Variants in DPP6 observed in about 807,000 individuals in gnomAD.
DPP6 encodes A-type potassium channel modulatory protein DPP6.
A neutral mutation model predicts 122.6 loss-of-function variants in DPP6; 69 were observed. The ratio of observed to expected loss-of-function variants is 0.56; its 90% CI spans 0.46 to 0.69. The LOEUF (loss-of-function observed/expected upper bound fraction) is 0.69. Ranked by LOEUF, DPP6 falls within the 30% of genes least tolerant of loss-of-function variation. DPP6 has a pLI of 0.00. For missense variants in DPP6, 928 were observed against 1,116.9 expected, an observed-to-expected ratio of 0.83 and a Z score of 2.41; for synonymous variants, 418 against 433.1, an observed-to-expected ratio of 0.97 and a Z score of 0.43.
intron 1 of DPP6, among the ~76,000 whole-genome samples, chr7:153,955,203 A>G (rs1190226857): frequency 1.3e-5 from 2 of 152,144 alleles, no homozygotes; most frequent in Admixed American, 6.5e-5. Flanking sequence ...GTAAACCTAG[A>G]GGGAAAGTCC....
At chr7:154,368,565 C>T (rs548257326) in intron 1 of DPP6, among the ~76,000 whole-genome samples, 3 of 152,312 alleles carry the variant, frequency 2.0e-5, no homozygotes, top group South Asian at 2.1e-4. Flanking sequence ...TCTAGCATAT[C>T]GTCTTTGGAA....
intron 1 of DPP6, among the ~76,000 whole-genome samples, chr7:154,277,268 T>A (rs759828569): frequency 2.0e-5 from 3 of 152,138 alleles, no homozygotes; most frequent in Non-Finnish European, 4.4e-5. Context: ...AAATATTGCA[T>A]CCATGAATAA....
upstream of DPP6, among the ~76,000 whole-genome samples, chr7:154,048,712 C>CCT (rs1800143717): frequency 1.2e-5 from 1 of 80,528 alleles, no homozygotes; most frequent in African/African-American, 4.8e-5. Context: ...ATGGTTCTGT[C>CCT]CTCCCTCAGC....
chr7:153,857,322 T>TTCGCTCTCTCTCTC, the DPP6 span, among the ~76,000 whole-genome samples: 1 of 124,390 alleles, frequency 8.0e-6, no homozygotes, highest in Non-Finnish European at 1.7e-5. Context: ...CTCAAAGGTT[T>TTCGCTCTCTCTCTC]TCTCTCTCTC....
chr7:154,231,383 T>C (rs1800908203), intron 1 of DPP6, among the ~76,000 whole-genome samples: 1 of 152,118 alleles, frequency 6.6e-6, no homozygotes, highest in Non-Finnish European at 1.5e-5. Context: ...TCAGTCCAAG[T>C]TTTGTGTGAG....
intron 11 of DPP6, among the ~76,000 whole-genome samples, chr7:154,794,780 C>T (rs1171962997): frequency 6.6e-6 from 1 of 152,244 alleles, no homozygotes; most frequent in East Asian, 1.9e-4. Flanking sequence ...AGCAGGCAGG[C>T]GGCCCACGGC....
chr7:154,862,971 C>G (rs74503585), intron 17 of DPP6, among the ~76,000 whole-genome samples: 2,267 of 152,322 alleles, frequency 0.015, 64 homozygotes, highest in African/African-American at 0.051. Flanking sequence ...GGGAGGACCT[C>G]TTTTTCTTTT....
At chr7:154,239,496 C>T (rs1178828162) in intron 1 of DPP6, among the ~76,000 whole-genome samples, 1 of 152,170 alleles carries the variant, frequency 6.6e-6, no homozygotes, top group African/African-American at 2.4e-5. Context: ...AATATTTTCT[C>T]TTCCTTAGGA....
At chr7:154,778,693 C>T (rs1054457488) in intron 10 of DPP6, among the ~76,000 whole-genome samples, 1 of 151,628 alleles carries the variant, frequency 6.6e-6, no homozygotes, top group Non-Finnish European at 1.5e-5. Flanking sequence ...CCACCAGCTC[C>T]ACCACCATCA....
At chr7:154,686,627 G>C (rs1552521) in intron 7 of DPP6, among the ~76,000 whole-genome samples, 1 of 151,862 alleles carries the variant, frequency 6.6e-6, no homozygotes, top group Non-Finnish European at 1.5e-5. Context: ...GGAATAAAAC[G>C]TTCCTCCTGG....
intron 1 of DPP6, among the ~76,000 whole-genome samples, chr7:154,170,765 A>G (rs1476877128): frequency 1.3e-5 from 2 of 152,298 alleles, no homozygotes; most frequent in Middle Eastern, 3.4e-3. Flanking sequence ...CAGGGAACAT[A>G]CTACATTTTT....
chr7:153,961,939 A>T (rs2129028577), intron 1 of DPP6, among the ~76,000 whole-genome samples: 1 of 149,452 alleles, frequency 6.7e-6, no homozygotes, highest in Middle Eastern at 3.4e-3. Context: ...TTCATGGCTC[A>T]AGTTGGGGAC....
At chr7:154,035,948 A>T (rs186759435) in intron 1 of DPP6, among the ~76,000 whole-genome samples, 5,627 of 151,806 alleles carry the variant, frequency 0.037, 359 homozygotes, top group African/African-American at 0.13. Context: ...GAACTCACTG[A>T]CTAAGCCCAG....
At chr7:154,649,287 C>A (rs998654676) in intron 6 of DPP6, among the ~76,000 whole-genome samples, 5 of 152,190 alleles carry the variant, frequency 3.3e-5, no homozygotes, top group African/African-American at 1.2e-4. Context: ...TTCAACATTT[C>A]ATTGATATTT....
chr7:153,805,508 C>T, the DPP6 span, among the ~76,000 whole-genome samples: 1 of 152,166 alleles, frequency 6.6e-6, no homozygotes, highest in African/African-American at 2.4e-5. Flanking sequence ...CTGCAATAAA[C>T]ATACATGTGC....
chr7:154,499,017 T>C (rs1387116936), intron 3 of DPP6, among the ~76,000 whole-genome samples: 1 of 152,244 alleles, frequency 6.6e-6, no homozygotes, highest in Non-Finnish European at 1.5e-5. Context: ...TACAGAAGCC[T>C]TGTGGTAGCT....
intron 1 of DPP6, among the ~76,000 whole-genome samples, chr7:154,217,036 G>T (rs994979230): frequency 6.6e-6 from 1 of 151,690 alleles, no homozygotes; most frequent in Non-Finnish European, 1.5e-5. Context: ...TGAGAGAAAT[G>T]CTTACCTTGT....
At chr7:154,539,269 C>G (rs1828515323) in intron 3 of DPP6, among the ~76,000 whole-genome samples, 2 of 152,198 alleles carry the variant, frequency 1.3e-5, no homozygotes, top group African/African-American at 4.8e-5. Flanking sequence ...TTCTTACTCT[C>G]TTCTAAGGTA....
At chr7:154,536,884 C>T (rs1828302391) in intron 3 of DPP6, among the ~76,000 whole-genome samples, 1 of 152,106 alleles carries the variant, frequency 6.6e-6, no homozygotes, top group Non-Finnish European at 1.5e-5. Flanking sequence ...CAGATATAAA[C>T]ATACAAAATT....
Sources: gnomAD v4.1 joint callset for allele counts (sites outside exome capture counted in the v4.1 genomes callset) on GRCh38, gnomAD v4.1.1 for gene constraint, MANE v1.5 for transcripts, NCBI Gene and HGNC (gene_info 2026-07-23, HGNC 2026-07-21) for gene names.